The following CCNB1IP1 variants were observed in gnomAD, a reference collection of about 807,000 sequenced individuals.
The protein encoded by CCNB1IP1 is E3 ubiquitin-protein ligase CCNB1IP1.
Under a neutral mutation model 25.6 loss-of-function variants are expected in CCNB1IP1, and 14 were observed. The ratio of observed to expected loss-of-function variants is 0.55; its 90% CI spans 0.36 to 0.85. The LOEUF is 0.85. Among genes scored for constraint, CCNB1IP1 ranks in the 40% least tolerant of loss-of-function variants. The pLI is 0.01. For synonymous variants in CCNB1IP1, 119 were observed against 116.1 expected, an observed-to-expected ratio of 1.02 and a Z score of -0.16; for missense variants, 278 against 342.4, an observed-to-expected ratio of 0.81 and a Z score of 1.48.
intron 4 of CCNB1IP1, among the ~76,000 whole-genome samples, chr14:20,321,244 T>A (rs1292321662): frequency 2.6e-5 from 4 of 152,222 alleles, no homozygotes; most frequent in African/African-American, 9.6e-5. Flanking sequence ...GTAGTTGTGC[T>A]ATATTTGAAC....
Position 20,313,729 on chromosome 14 carries a change from T to G in CCNB1IP1, c.370A>C (p.Ile124Leu). ...AEGHLKQMEK[I>L]YTQQIQSKDV... Reference sequence around the variant, plus strand: ...TTGCTTTGTATTTGCTGAGTATATATCTTCTCCATCTGTTTCAGATGGCCC... The same window carrying G: ...TTGCTTTGTATTTGCTGAGTATATAGCTTCTCCATCTGTTTCAGATGGCCC... Residue 124 changes from isoleucine (I) to leucine (L), a missense_variant, in exon 6 of 7, where the codon ATA becomes CTA. By Grantham distance (5) the Ile-to-Leu change is conservative. Transcript: ENST00000358932. 6.2e-7 allele frequency: 1 copy of G among 1,613,542 alleles called. No individual in the cohort carries two copies. Among genetic ancestry groups the G allele is most frequent in the Non-Finnish European group, 8.5e-7 (1 of 1,179,812 alleles).
chr14:20,322,690 G>A (rs887787349), intron 4 of CCNB1IP1, among the ~76,000 whole-genome samples: 3 of 149,526 alleles, frequency 2.0e-5, no homozygotes, highest in Non-Finnish European at 3.0e-5. Context: ...TGGCACAATC[G>A]CGGCTTACTA....
chr14:20,314,678 G>C (rs947431857), intron 5 of CCNB1IP1: 3 of 152,270 alleles, frequency 2.0e-5, no homozygotes, highest in African/African-American at 7.2e-5. Context: ...ACAAGCCACA[G>C]ATCAGGAGAG....
intron 2 of CCNB1IP1, among the ~76,000 whole-genome samples, chr14:20,327,955 C>T (rs1251222793): frequency 2.0e-5 from 3 of 152,194 alleles, no homozygotes; most frequent in African/African-American, 7.2e-5. Context: ...ACCCTAGTCA[C>T]ATTTTCATTA....
chr14:20,333,278 A>C lies in CCNB1IP1; in HGVS notation c.-455T>G, dbSNP rs1883307356. 6.6e-6 allele frequency: 1 copy of C among 152,330 alleles called. No individual in the cohort carries two copies. The highest frequency in any genetic ancestry group is 1.5e-5 in the Non-Finnish European group (1 of 68,094). 9.4% of individuals were successfully genotyped at this position (152,330 alleles called of 1,614,324 possible). ...CCAGCCCACCAAAACGGAGAGGGAA[A>C]GAAAGTGGAGAGACAGGAAGTCGCC... On this transcript the variant is annotated 5_prime_UTR_variant, in exon 1 of 7. Transcript: ENST00000358932.
Position 20,314,750 on chromosome 14 carries a change from A to T in CCNB1IP1, c.298-949T>A, listed in dbSNP as rs1008261853. ...GAATACTTCAAACTCAACAGTAAGG[A>T]TAAAAAGAACACTTAAAACTCAACA... is the stretch of plus-strand genomic sequence containing the variant. On this transcript the variant is annotated intron_variant, in intron 5 of 6. Coordinates refer to ENST00000358932, the MANE Select transcript of CCNB1IP1 (RefSeq NM_021178.5). 3.3e-5 allele frequency: 5 copies of T among 152,296 alleles called. No individual in the cohort carries two copies. The East Asian group carries it at 9.6e-4, about 29-fold the overall frequency. 9.4% of individuals were successfully genotyped at this position (152,296 alleles called of 1,614,324 possible).
chr14:20,315,063 C>T (rs2138843706), intron 5 of CCNB1IP1, among the ~76,000 whole-genome samples: 1 of 132,604 alleles, frequency 7.5e-6, no homozygotes, highest in East Asian at 2.2e-4. Context: ...TGCACTCCAG[C>T]CTGGACAACA....
chr14:20,317,749 T>C (rs1239474909), intron 4 of CCNB1IP1: 1 of 152,242 alleles, frequency 6.6e-6, no homozygotes, highest in East Asian at 1.9e-4. Flanking sequence ...TTCAGCCAGC[T>C]TTCCACGCTC....
chr14:20,320,736 C>T lies in CCNB1IP1; in HGVS notation c.-37-4176G>A, dbSNP rs545313137. 5.5e-5 allele frequency among the ~76,000 whole-genome samples: 8 copies of T among 145,640 alleles called. No individual in the cohort carries two copies. The East Asian group carries it at 1.4e-3, about 25-fold the overall frequency. On this transcript the variant is annotated intron_variant, in intron 4 of 6. Transcript: ENST00000358932. ...AGGAGAATAGCCTGAACCCGGGAGGCGGAGGTTGCAGTGAGCCAAGATCAC... is the reference window on the plus strand; with the variant it reads ...AGGAGAATAGCCTGAACCCGGGAGGTGGAGGTTGCAGTGAGCCAAGATCAC...
intron 5 of CCNB1IP1, among the ~76,000 whole-genome samples, chr14:20,315,090 CAA>C (rs546805664): frequency 2.5e-3 from 61 of 24,334 alleles, no homozygotes; most frequent in Non-Finnish European, 3.3e-3. Flanking sequence ...GACTCCGTCT[CAA>C]AAAAAAAAAA....
At chr14:20,332,042 T>A (rs1883266694) in intron 1 of CCNB1IP1, among the ~76,000 whole-genome samples, 1 of 124,188 alleles carries the variant, frequency 8.1e-6, no homozygotes, top group Admixed American at 8.1e-5. Context: ...TTTTTTTTTT[T>A]TTTTTTTTTG....
chr14:20,316,340 C>A lies in CCNB1IP1; in HGVS notation c.184G>T (p.Val62Phe), dbSNP rs774755137. 6.2e-7 allele frequency: 1 copy of A among 1,613,936 alleles called. No homozygotes were observed. Among genetic ancestry groups the A allele is most frequent in the South Asian group, 1.1e-5 (1 of 91,070 alleles). The change falls in exon 5 of 7, where the codon GTC becomes TTC. Residue 62 changes from valine to phenylalanine, a missense_variant. Val to Phe is a conservative substitution (Grantham distance 50). Transcript: ENST00000358932. Reference protein sequence around the residue: ...NSTLSGKLDIVRTELSPSEEY... With the variant: ...NSTLSGKLDIFRTELSPSEEY... ...TCTGATGGACTGAGTTCTGTGCGGA[C>A]AATATCTAGCTTTCCAGAAAGGGTA...
chr14:20,324,833 T>C (rs531393800), intron 4 of CCNB1IP1, among the ~76,000 whole-genome samples: 42 of 151,866 alleles, frequency 2.8e-4, no homozygotes, highest in African/African-American at 7.9e-4. Context: ...AATTGACTCT[T>C]TTTTTTGGAG....
chr14:20,315,551 G>A, intron 5 of CCNB1IP1: 1 of 1,254,546 alleles, frequency 8.0e-7, no homozygotes, highest in Middle Eastern at 2.2e-4. Context: ...AAGTGTATAT[G>A]TAAGATATAA....
chr14:20,329,593 T>C (rs1161297704), intron 1 of CCNB1IP1, among the ~76,000 whole-genome samples: 1 of 152,242 alleles, frequency 6.6e-6, no homozygotes, highest in Non-Finnish European at 1.5e-5. Flanking sequence ...CATCCGTTGA[T>C]GGACCCTTAG....
At chr14:20,315,774 T>A (rs1366849163) in intron 5 of CCNB1IP1, 1 of 1,255,240 alleles carries the variant, frequency 8.0e-7, no homozygotes, top group Non-Finnish European at 1.0e-6. Context: ...TAACAAGATA[T>A]TCATACCAAG....
chr14:20,315,673 G>T, intron 5 of CCNB1IP1: 2 of 1,226,010 alleles, frequency 1.6e-6, no homozygotes, highest in Non-Finnish European at 2.1e-6. Context: ...TGATAAGAAT[G>T]CTTATCATAG....
At chr14:20,323,492 C>G (rs1270446397) in intron 4 of CCNB1IP1, among the ~76,000 whole-genome samples, 1 of 151,970 alleles carries the variant, frequency 6.6e-6, no homozygotes, top group Admixed American at 6.6e-5. Context: ...GAGAGAATCA[C>G]CCGAGGCTGG....
chr14:20,325,150 G>A lies in CCNB1IP1; in HGVS notation c.-38+389C>T, dbSNP rs113739802. Among the ~76,000 whole-genome samples the A allele has an allele frequency of 4.7e-3, 714 of 151,108 alleles. 1 individual carries two copies. The highest frequency in any genetic ancestry group is 8.4e-3 in the Non-Finnish European group (571 of 67,714). On this transcript the variant is annotated intron_variant, in intron 4 of 6. Transcript: ENST00000358932. Reference sequence around the variant, plus strand: ...TAAAAAGTGAAATTTAGCCGGGCGCGGTGGCTCACGCCTGTAATCCCAGCA... The same window carrying A: ...TAAAAAGTGAAATTTAGCCGGGCGCAGTGGCTCACGCCTGTAATCCCAGCA...
Sources: gnomAD v4.1 joint callset for allele counts (sites outside exome capture counted in the v4.1 genomes callset) on GRCh38, gnomAD v4.1.1 for gene constraint, MANE v1.5 for transcripts, NCBI Gene and HGNC (gene_info 2026-07-23, HGNC 2026-07-21) for gene names.